Variants in CERT1 observed in about 807,000 individuals in gnomAD.
The protein encoded by CERT1 is ceramide transporter 1, also known as ceramide transfer protein.
A neutral mutation model predicts 87.9 loss-of-function variants in CERT1; 31 were observed. The ratio of observed to expected loss-of-function variants is 0.35; its 90% CI spans 0.27 to 0.48. The LOEUF is 0.48. Ranked by LOEUF, CERT1 falls within the 20% of genes least tolerant of loss-of-function variation. CERT1 has a pLI of 0.99. For synonymous variants in CERT1, 289 were observed against 250.9 expected (o/e 1.15, Z -1.44); for missense variants, 487 against 758.0 (o/e 0.64, Z 4.20).
At chr5:75,381,322 T>C (rs183271652) in intron 15 of CERT1, 121 bp from the exon 16 acceptor site, 16 of 1,127,524 alleles carry the variant, frequency 1.4e-5, no homozygotes, top group South Asian at 1.0e-4. Context: ...TGAAATCTTA[T>C]AAGCACCAAG....
At chr5:75,393,745 C>A (rs748685057) in intron 11 of CERT1, among the ~76,000 whole-genome samples, 1 of 151,468 alleles carries the variant, frequency 6.6e-6, no homozygotes, top group Admixed American at 6.6e-5. Flanking sequence ...GCACGCGGAC[C>A]ACGAGGTCAA....
intron 2 of CERT1, among the ~76,000 whole-genome samples, chr5:75,481,014 T>C (rs369341372): frequency 6.6e-6 from 1 of 152,288 alleles, no homozygotes; most frequent in Admixed American, 6.5e-5. Flanking sequence ...AGTGATCCTG[T>C]TGCACGGATC....
upstream of CERT1, chr5:75,511,820 G>C: frequency 6.4e-7 from 1 of 1,551,352 alleles, no homozygotes; most frequent in Non-Finnish European, 8.7e-7. Context: ...GGAGAGGGCG[G>C]GGTAGGGATG....
At chr5:75,447,696 G>A (rs954632112) in intron 3 of CERT1, among the ~76,000 whole-genome samples, 5 of 151,416 alleles carry the variant, frequency 3.3e-5, no homozygotes, top group African/African-American at 1.2e-4. Context: ...GGATGGTCTC[G>A]ATCTCCTGAC....
chr5:75,471,812 G>GT (rs1256221453), intron 2 of CERT1, among the ~76,000 whole-genome samples: 3 of 150,110 alleles, frequency 2.0e-5, no homozygotes, highest in Non-Finnish European at 4.4e-5. Flanking sequence ...ACATCACTGT[G>GT]TGACACATGA....
intron 2 of CERT1, among the ~76,000 whole-genome samples, chr5:75,501,790 T>TG (rs1767383973): frequency 6.6e-6 from 1 of 152,130 alleles, no homozygotes; most frequent in Non-Finnish European, 1.5e-5. Context: ...ATTAGTCATG[T>TG]GGAAAAAAAA....
In CERT1 at chr5:75,453,981, C is replaced by T. The variant is rs545316138; in HGVS notation, c.348+5084G>A. On this transcript the variant is annotated intron_variant, in intron 3 of 16. Coordinates refer to ENST00000643780, the MANE Select transcript of CERT1 (RefSeq NM_001379029.1). ...CTCCAGATGTTGAAAATAACTAAAA[C>T]CTTCCAGGTAAGCCCTAACAAAAGC... 1.3e-5 allele frequency among the ~76,000 whole-genome samples: 2 copies of T among 152,138 alleles called. 1 individual carries two copies. Among genetic ancestry groups the T allele is most frequent in the South Asian group, 4.1e-4 (2 of 4,826 alleles).
intron 2 of CERT1, among the ~76,000 whole-genome samples, chr5:75,502,479 C>T (rs1767420607): frequency 6.6e-6 from 1 of 151,924 alleles, no homozygotes; most frequent in African/African-American, 2.4e-5. Context: ...AAACAGGGTC[C>T]AGGCAAATAA....
intron 2 of CERT1, among the ~76,000 whole-genome samples, chr5:75,486,937 C>G: frequency 6.6e-6 from 1 of 152,038 alleles, no homozygotes; most frequent in Non-Finnish European, 1.5e-5. Flanking sequence ...GATGCAATCC[C>G]TATCAAAATA....
rs377590981 is a variant in CERT1 at position 75,447,474 on chromosome 5, ATTT to A, written c.348+11588_348+11590del. On this transcript the variant is annotated intron_variant, in intron 3 of 16. Transcript: ENST00000643780. ...TATTTATTTATTTATTTATTTATTT[ATTT>A]TTTATTTTTTTGAGACGGAGTTTCG... is the stretch of plus-strand genomic sequence containing the variant. Among the ~76,000 whole-genome samples the A allele has an allele frequency of 1.1e-3, 157 of 149,028 alleles. 1 individual carries two copies. The East Asian group carries it at 0.027, about 25-fold the overall frequency.
chr5:75,388,094 C>A (rs79143905), intron 12 of CERT1, among the ~76,000 whole-genome samples: 1,792 of 152,294 alleles, frequency 0.012, 35 homozygotes, highest in African/African-American at 0.042. Flanking sequence ...TGGCCTGCTT[C>A]TGTAGTGAAG....
chr5:75,373,952 G>T, downstream of CERT1: 1 of 394,844 alleles, frequency 2.5e-6, no homozygotes, highest in East Asian at 3.6e-5. Flanking sequence ...TAAAAATATA[G>T]CCATATACAT....
intron 11 of CERT1, among the ~76,000 whole-genome samples, chr5:75,395,781 C>A (rs546543595): frequency 6.6e-6 from 1 of 151,722 alleles, no homozygotes; most frequent in South Asian, 2.1e-4. Context: ...ACCTGGGAGA[C>A]GGAGGTTGCA....
At chr5:75,463,747 G>A (rs988127817) in intron 2 of CERT1, among the ~76,000 whole-genome samples, 2 of 152,160 alleles carry the variant, frequency 1.3e-5, no homozygotes, top group Non-Finnish European at 2.9e-5. Flanking sequence ...TGCTAAAGTT[G>A]AGACGGGAGG....
rs576277104 is a variant in CERT1 at position 75,392,575 on chromosome 5, C to T, written c.1189-2888G>A. Among the ~76,000 whole-genome samples, 3 of 152,126 alleles carry T rather than the reference C, an allele frequency of 2.0e-5. No homozygotes were observed. In the South Asian group the frequency reaches 6.2e-4, roughly 32 times the overall value. On this transcript the variant is annotated intron_variant, in intron 11 of 16. Coordinates refer to ENST00000643780, the MANE Select transcript of CERT1 (RefSeq NM_001379029.1). ...GGAAAATACAAAGTAACCAATATTA[C>T]CATAGGGGCAGTAACTTGGGCACTG...
At chr5:75,416,021 T>C (rs567908203) in intron 7 of CERT1, among the ~76,000 whole-genome samples, 1 of 152,312 alleles carries the variant, frequency 6.6e-6, no homozygotes, top group South Asian at 2.1e-4. Context: ...AAACACATAG[T>C]GCTATCATTG....
At chr5:75,445,185 T>C (rs989422986) in intron 3 of CERT1, among the ~76,000 whole-genome samples, 29 of 152,250 alleles carry the variant, frequency 1.9e-4, no homozygotes, top group African/African-American at 5.8e-4. Context: ...TTTAGACTAA[T>C]TGTGTTCTTA....
intron 4 of CERT1, among the ~76,000 whole-genome samples, chr5:75,425,938 AT>A (rs1442397656): frequency 6.6e-6 from 1 of 152,198 alleles, no homozygotes; most frequent in African/African-American, 2.4e-5. Context: ...ATTTGATCAT[AT>A]AGACACTTTT....
chr5:75,498,113 G>C (rs1474796376), intron 2 of CERT1, among the ~76,000 whole-genome samples: 1 of 152,174 alleles, frequency 6.6e-6, no homozygotes, highest in African/African-American at 2.4e-5. Context: ...CTGCCCTAGA[G>C]ATCTATGGAA....
Sources: gnomAD v4.1 joint callset for allele counts (sites outside exome capture counted in the v4.1 genomes callset) on GRCh38, gnomAD v4.1.1 for gene constraint, MANE v1.5 for transcripts, NCBI Gene and HGNC (gene_info 2026-07-23, HGNC 2026-07-21) for gene names.